Variants in TBCK observed in about 807,000 individuals in gnomAD.
The protein encoded by TBCK is TBC1 domain containing kinase.
In TBCK, 99 loss-of-function variants were observed where a neutral mutation model predicts 113.4. That is an observed-to-expected ratio of 0.87 (90% confidence interval 0.74 to 1.03). TBCK has a LOEUF of 1.03. Ranked by LOEUF, TBCK falls within the 50% of genes least tolerant of loss-of-function variation. The probability of loss-of-function intolerance (pLI) is 0.00; values close to 1 mark genes in which losing one functional copy is unlikely to be tolerated. For synonymous variants in TBCK, 369 were observed against 370.8 expected, an observed-to-expected ratio of 1.00 and a Z score of 0.05; for missense variants, 1,045 against 1,061.3, an observed-to-expected ratio of 0.98 and a Z score of 0.21.
intron 25 of TBCK, among the ~76,000 whole-genome samples, chr4:106,082,526 C>T (rs973345867): frequency 2.0e-5 from 3 of 151,154 alleles, no homozygotes; most frequent in African/African-American, 4.9e-5. Context: ...CATTTGTACA[C>T]GAAGGATCAG....
At chr4:106,130,349 T>C (rs146113274) in intron 23 of TBCK, among the ~76,000 whole-genome samples, 2 of 152,192 alleles carry the variant, frequency 1.3e-5, no homozygotes, top group Admixed American at 1.3e-4. Context: ...AAACATACTG[T>C]TTTTCTTAAA....
chr4:106,080,160 T>G (rs189163389), intron 25 of TBCK, among the ~76,000 whole-genome samples: 2 of 151,922 alleles, frequency 1.3e-5, no homozygotes, highest in East Asian at 3.9e-4. Context: ...ATGTCATTTA[T>G]GACAGAATTA....
intron 25 of TBCK, among the ~76,000 whole-genome samples, chr4:106,086,166 A>T (rs1335156664): frequency 6.6e-6 from 1 of 151,964 alleles, no homozygotes; most frequent in African/African-American, 2.4e-5. Context: ...TTTTTGAAAA[A>T]ATTAACAAAA....
chr4:106,088,098 C>T (rs1331116670), intron 25 of TBCK, among the ~76,000 whole-genome samples: 6 of 152,128 alleles, frequency 3.9e-5, no homozygotes, highest in African/African-American at 1.4e-4. Flanking sequence ...CCAAAATTGA[C>T]AAATGGGATC....
intron 3 of TBCK, among the ~76,000 whole-genome samples, chr4:106,279,454 G>T (rs1764362808): frequency 6.6e-6 from 1 of 151,994 alleles, no homozygotes; most frequent in Admixed American, 6.6e-5. Flanking sequence ...ATTGGTATTA[G>T]AAACAATCCA....
At chr4:106,230,284 A>C in intron 19 of TBCK, 79 bp downstream of exon 19, 2 of 901,668 alleles carry the variant, frequency 2.2e-6, no homozygotes, top group Non-Finnish European at 1.6e-6. Context: ...TCAAAATCTT[A>C]AATTTAATCA....
intron 20 of TBCK, among the ~76,000 whole-genome samples, chr4:106,205,045 G>T (rs565075015): frequency 6.6e-6 from 1 of 152,036 alleles, no homozygotes; most frequent in Non-Finnish European, 1.5e-5. Flanking sequence ...GATTACACGC[G>T]TGAGCCACCG....
intron 22 of TBCK, among the ~76,000 whole-genome samples, chr4:106,187,982 T>C (rs1753219201): frequency 6.6e-6 from 1 of 152,218 alleles, no homozygotes; most frequent in Admixed American, 6.5e-5. Flanking sequence ...CATAAAATCA[T>C]ACCACTTGTG....
intron 23 of TBCK, among the ~76,000 whole-genome samples, chr4:106,124,747 A>G (rs1288432701): frequency 6.6e-6 from 1 of 152,100 alleles, no homozygotes; most frequent in African/African-American, 2.4e-5. Context: ...AAACTATCGC[A>G]AGAACAAAAA....
intron 10 of TBCK, among the ~76,000 whole-genome samples, chr4:106,246,226 T>C (rs185405094): frequency 3.2e-4 from 48 of 152,294 alleles, no homozygotes; most frequent in Admixed American, 2.0e-3. Flanking sequence ...TAAATGTCTG[T>C]CTGCCTTCCC....
intron 25 of TBCK, among the ~76,000 whole-genome samples, chr4:106,088,620 C>T (rs1000427453): frequency 6.6e-6 from 1 of 152,146 alleles, no homozygotes; most frequent in Non-Finnish European, 1.5e-5. Flanking sequence ...GAATAGAAAT[C>T]ATTCTATTAT....
intron 3 of TBCK, among the ~76,000 whole-genome samples, chr4:106,276,827 G>C (rs953164479): frequency 6.6e-6 from 1 of 151,586 alleles, no homozygotes; most frequent in Non-Finnish European, 1.5e-5. Context: ...CCCAGGAGGC[G>C]GTGCAGTTCC....
At position 106,232,248 on chromosome 4, in the gene TBCK, T is replaced by C. The variant is rs559142783; in HGVS notation, c.1640-469A>G. Reference sequence around the variant, plus strand: ...ATTTCTTTTATTGATAATAATGATATGCATGTATTGTCATGTTGAAAGAAT... The same window carrying C: ...ATTTCTTTTATTGATAATAATGATACGCATGTATTGTCATGTTGAAAGAAT... On this transcript the variant is annotated intron_variant, in intron 17 of 25. Transcript: ENST00000394708. Among the ~76,000 whole-genome samples the C allele has an allele frequency of 4.6e-5, 7 of 151,860 alleles. No homozygotes were observed. In the South Asian group the frequency reaches 1.4e-3, roughly 31 times the overall value.
intron 21 of TBCK, 35 bp from the exon 22 acceptor site, chr4:106,193,805 A>T: frequency 7.4e-7 from 1 of 1,350,354 alleles, no homozygotes; most frequent in Non-Finnish European, 1.0e-6. Flanking sequence ...AAATTAAAAA[A>T]CCAAAATAAC....
chr4:106,245,248 T>C (rs1760667313), intron 10 of TBCK, among the ~76,000 whole-genome samples: 1 of 152,054 alleles, frequency 6.6e-6, no homozygotes, highest in Non-Finnish European at 1.5e-5. Flanking sequence ...TCACAGTAAA[T>C]ATTGGAGGAA....
At chr4:106,099,008 G>A (rs1313836473) in intron 24 of TBCK, among the ~76,000 whole-genome samples, 2 of 152,052 alleles carry the variant, frequency 1.3e-5, no homozygotes, top group Non-Finnish European at 2.9e-5. Flanking sequence ...GCATTAACAG[G>A]TAGGGATGAT....
rs372084821 is a variant in TBCK, at chr4:106,171,244, C to T, written c.2086G>A (p.Glu696Lys). The change falls in exon 23 of 26, where the codon GAA (glutamate) becomes AAA (lysine). Residue 696 changes from glutamate (E) to lysine (K), a missense_variant. Glu to Lys is a moderately conservative substitution (Grantham distance 56, BLOSUM62 1). Coordinates refer to ENST00000394708, the MANE Select transcript of TBCK (RefSeq NM_001163435.3). ...GTCCAACAAAACAGGTTGATAGATTCTCTCACACAGCGTTCAATGTCAATT... is the reference window on the plus strand; with the variant it reads ...GTCCAACAAAACAGGTTGATAGATTTTCTCACACAGCGTTCAATGTCAATT... ...PEIDIERCVR[E>K]SINLFCWTPK... The T allele has an allele frequency of 4.4e-6, 7 of 1,608,998 alleles. No individual in the cohort carries two copies. Among genetic ancestry groups the T allele is most frequent in the Non-Finnish European group, 4.2e-6 (5 of 1,178,294 alleles).
intron 25 of TBCK, among the ~76,000 whole-genome samples, chr4:106,062,545 A>T (rs1475417815): frequency 2.6e-5 from 4 of 151,952 alleles, no homozygotes; most frequent in Non-Finnish European, 2.9e-5. Context: ...TGTATACAAT[A>T]AAAACTGAGA....
At chr4:106,302,899 C>A (rs1322802621) in intron 2 of TBCK, among the ~76,000 whole-genome samples, 1 of 152,062 alleles carries the variant, frequency 6.6e-6, no homozygotes. Context: ...AGCCAGGTAA[C>A]AAATAAAAAT....
Sources: allele counts gnomAD v4.1 joint callset (sites outside exome capture counted in the v4.1 genomes callset), GRCh38; gene constraint gnomAD v4.1.1; transcripts MANE v1.5; gene names NCBI Gene and HGNC (gene_info 2026-07-23, HGNC 2026-07-21).